Variants in MED4 observed in about 807,000 individuals in gnomAD.
MED4 encodes the protein mediator of RNA polymerase II transcription subunit 4.
In MED4, 21 loss-of-function variants were observed where a neutral mutation model predicts 35.0. The ratio of observed to expected loss-of-function variants is 0.60; its 90% CI spans 0.43 to 0.86. MED4 has a LOEUF of 0.86. Ranked by LOEUF, MED4 falls within the 40% of genes least tolerant of loss-of-function variation. The probability of loss-of-function intolerance (pLI) is 0.00; values close to 1 mark genes in which losing one functional copy is unlikely to be tolerated. For synonymous variants in MED4, 138 were observed against 114.0 expected (o/e 1.21, Z -1.34); for missense variants, 300 against 319.4 (o/e 0.94, Z 0.46).
chr13:48,095,042 GCTCCTT>G lies in MED4; in HGVS notation c.31_36del (p.Lys11_Glu12del), dbSNP rs763981876. On this transcript the variant is annotated inframe_deletion, in exon 1 of 7. Transcript: ENST00000258648. ...GCCACTCCCAAACCGCCTCCCAGCC[GCTCCTT>G]CTCCTTCTCACCACTCGAAGACGCA... The G allele has an allele frequency of 3.1e-6, 5 of 1,606,044 alleles. No individual in the cohort carries two copies. The African/African-American group carries it at 4.0e-5, about 13-fold the overall frequency.
At chr13:48,084,235 G>A (rs916455237) in intron 3 of MED4, among the ~76,000 whole-genome samples, 3 of 144,402 alleles carry the variant, frequency 2.1e-5, no homozygotes, top group African/African-American at 7.9e-5. Context: ...ACTCTGGCCT[G>A]GGCAATAGAG....
At chr13:48,092,688 T>A (rs1226140189) in intron 1 of MED4, among the ~76,000 whole-genome samples, 1 of 152,208 alleles carries the variant, frequency 6.6e-6, no homozygotes, top group African/African-American at 2.4e-5. Flanking sequence ...CAGGACTTGC[T>A]GATGGATCAA....
rs139199050 is a variant in MED4, at chr13:48,077,381, T to C, written c.641-70A>G. 921 of 1,227,046 alleles carry C rather than the reference T, an allele frequency of 7.5e-4. 5 individuals carry two copies. The African/African-American group carries it at 0.013, about 17-fold the overall frequency. 76.0% of individuals were successfully genotyped at this position (1,227,046 alleles called of 1,614,324 possible). On this transcript the variant is annotated intron_variant, in intron 6 of 6. Coordinates refer to ENST00000258648, the MANE Select transcript of MED4 (RefSeq NM_014166.4). ...TTAATCTAGTTCTTACTTTTCCCTT[T>C]ATGCAACAATTTGAAGTATTTTTTT...
chr13:48,094,749 T>A (rs1950915431), intron 1 of MED4, among the ~76,000 whole-genome samples: 1 of 151,800 alleles, frequency 6.6e-6, no homozygotes, highest in African/African-American at 2.4e-5. Flanking sequence ...TTCTTATCAT[T>A]ACTAAAATTC....
At chr13:48,082,346 A>C (rs751437071) in intron 4 of MED4, among the ~76,000 whole-genome samples, 17 of 152,218 alleles carry the variant, frequency 1.1e-4, no homozygotes, top group Non-Finnish European at 2.1e-4. Context: ...ACCTCTGAGA[A>C]GTGAGAACCA....
In MED4 at chr13:48,083,361, T is replaced by C. The variant is rs368092464; in HGVS notation, c.421+10A>G. The C allele has an allele frequency of 5.2e-5, 83 of 1,610,228 alleles. No individual in the cohort carries two copies. In the African/African-American group the frequency reaches 9.2e-4, roughly 18 times the overall value. On this transcript the variant is annotated intron_variant, in intron 4 of 6. Transcript: ENST00000258648. ...CTTTTCAGGTCATTCAGTCTTCCCATGATACTAACCTTTTCTTGCTTTTTC... is the reference window on the plus strand; with the variant it reads ...CTTTTCAGGTCATTCAGTCTTCCCACGATACTAACCTTTTCTTGCTTTTTC...
intron 3 of MED4, among the ~76,000 whole-genome samples, 157 bp downstream of exon 3, chr13:48,086,125 C>T (rs1950846943): frequency 6.6e-6 from 1 of 152,144 alleles, no homozygotes; most frequent in Non-Finnish European, 1.5e-5. Flanking sequence ...ATGACAATAG[C>T]CTTTCATTTA....
intron 6 of MED4, 72 bp from the exon 7 acceptor site, chr13:48,077,383 T>G (rs949484871): frequency 2.6e-5 from 32 of 1,214,170 alleles, no homozygotes; most frequent in Non-Finnish European, 2.2e-6. Flanking sequence ...TTTCCCTTTA[T>G]GCAACAATTT....
chr13:48,076,970 G>A lies in MED4; in HGVS notation c.*169C>T, dbSNP rs1397659887. On this transcript the variant is annotated 3_prime_UTR_variant, in exon 7 of 7. Transcript: ENST00000258648. ...GCTTAAAACTAAAACTATGGTCTTT[G>A]GCTTTAAAAAGAAAGTCAAAAAATT... is the stretch of plus-strand genomic sequence containing the variant. 1 of 525,216 alleles carries A rather than the reference G, an allele frequency of 1.9e-6. No individual in the cohort carries two copies. The highest frequency in any genetic ancestry group is 2.0e-5 in the African/African-American group (1 of 49,682). 32.5% of individuals were successfully genotyped at this position (525,216 alleles called of 1,614,324 possible). A position where few individuals can be genotyped will look rare whatever the true frequency, so the allele number is the denominator to read the frequency against.
At chr13:48,090,268 A>G in intron 2 of MED4, 84 bp downstream of exon 2, 1 of 1,059,952 alleles carries the variant, frequency 9.4e-7, no homozygotes, top group South Asian at 1.5e-5. Flanking sequence ...AGTAAATATA[A>G]AGAGGAAACT....
At chr13:48,080,826 C>T (rs1372426373) in intron 5 of MED4, among the ~76,000 whole-genome samples, 3 of 151,714 alleles carry the variant, frequency 2.0e-5, no homozygotes, top group Non-Finnish European at 4.4e-5. Flanking sequence ...CTTTTTCTAA[C>T]CAACCTCTTT....
At position 48,095,070 on chromosome 13, in the gene MED4, C is replaced by T. The variant is rs776021080; in HGVS notation, c.9G>A (p.Ala3=). ...CCTTCTCCTTCTCACCACTCGAAGA[C>T]GCAGCCATTTTCCCCAGAGTCCCGC... MA[A]SSSGEKEKER... The change falls in exon 1 of 7, where the codon GCG becomes GCA. Residue 3 remains alanine (A), a synonymous_variant. Transcript: ENST00000258648. 3 of 1,603,902 alleles carry T rather than the reference C, an allele frequency of 1.9e-6. No homozygotes were observed. Among genetic ancestry groups the T allele is most frequent in the South Asian group, 1.1e-5 (1 of 91,090 alleles).
intron 2 of MED4, among the ~76,000 whole-genome samples, chr13:48,088,556 G>A (rs1159930477): frequency 6.6e-6 from 1 of 152,204 alleles, no homozygotes; most frequent in South Asian, 2.1e-4. Flanking sequence ...ATTAAAGCAA[G>A]TAGTACACAG....
intron 5 of MED4, among the ~76,000 whole-genome samples, chr13:48,080,595 T>C (rs1416866914): frequency 2.0e-5 from 3 of 151,934 alleles, no homozygotes; most frequent in East Asian, 1.9e-4. Context: ...CTTAAGAAAA[T>C]TATAATAATC....
chr13:48,094,569 G>T (rs1474192594), intron 1 of MED4, among the ~76,000 whole-genome samples: 1 of 151,988 alleles, frequency 6.6e-6, no homozygotes, highest in Non-Finnish European at 1.5e-5. Flanking sequence ...ACCCCGCAGC[G>T]CAGCCCTCTA....
At chr13:48,087,541 G>A (rs141451123) in intron 2 of MED4, among the ~76,000 whole-genome samples, 65 of 151,360 alleles carry the variant, frequency 4.3e-4, no homozygotes, top group African/African-American at 1.5e-3. Flanking sequence ...TGTTTACAAT[G>A]AAGATGATCT....
intron 4 of MED4, among the ~76,000 whole-genome samples, chr13:48,082,998 C>T (rs1031775067): frequency 6.6e-6 from 1 of 152,204 alleles, no homozygotes; most frequent in African/African-American, 2.4e-5. Flanking sequence ...TCAGTCCCAG[C>T]GCAGTTGCCC....
chr13:48,077,399 A>T, intron 6 of MED4, 88 bp from the exon 7 acceptor site: 2 of 1,111,476 alleles, frequency 1.8e-6, no homozygotes, highest in Non-Finnish European at 2.4e-6. Flanking sequence ...AATTTGAAGT[A>T]TTTTTTTTAA....
chr13:48,093,087 C>G (rs557204039), intron 1 of MED4, among the ~76,000 whole-genome samples: 43 of 152,326 alleles, frequency 2.8e-4, no homozygotes, highest in African/African-American at 1.0e-3. Context: ...TCCCAGCATA[C>G]TGCATTAGAA....
Sources: gnomAD v4.1 joint callset for allele counts (sites outside exome capture counted in the v4.1 genomes callset) on GRCh38, gnomAD v4.1.1 for gene constraint, MANE v1.5 for transcripts, NCBI Gene and HGNC (gene_info 2026-07-23, HGNC 2026-07-21) for gene names.